The following ACSL5 variants were observed in gnomAD, a reference collection of about 807,000 sequenced individuals.
ACSL5 encodes the protein long-chain-fatty-acid--CoA ligase 5.
Under a neutral mutation model 84.9 loss-of-function variants are expected in ACSL5, and 50 were observed. That is an observed-to-expected ratio of 0.59 (90% CI 0.47 to 0.75). The LOEUF (loss-of-function observed/expected upper bound fraction) is 0.75, where lower values mean the gene tolerates loss of function less well. ACSL5 is among the 30% of genes least tolerant of loss of function. ACSL5 has a pLI of 0.00. For synonymous variants in ACSL5, 280 were observed against 300.7 expected (o/e 0.93, Z 0.71); for missense variants, 775 against 830.4 (o/e 0.93, Z 0.82).
Position 112,409,596 on chromosome 10 carries a change from G to C in ACSL5, c.622G>C (p.Val208Leu), listed in dbSNP as rs777394576. Residue 208 changes from valine (V) to leucine (L), a missense_variant, in exon 7 of 21, where the codon GTG (valine) becomes CTG (leucine). Coordinates refer to ENST00000354655, the MANE Select transcript of ACSL5 (RefSeq NM_203379.2). ...VEKGFTPSLKVIILMDPFDDD... is the reference protein window; with the variant it reads ...VEKGFTPSLKLIILMDPFDDD... ...GAAAGGCTTCACCCCGAGCCTGAAG[G>C]TGATCATCCTTATGGACCCCTTTGA... The C allele has an allele frequency of 6.2e-7, 1 of 1,614,160 alleles. No individual in the cohort carries two copies. Among genetic ancestry groups the C allele is most frequent in the East Asian group, 2.2e-5 (1 of 44,878 alleles).
intron 1 of ACSL5, among the ~76,000 whole-genome samples, chr10:112,387,936 C>CCT (rs372049873): frequency 1.7e-5 from 2 of 118,448 alleles, no homozygotes; most frequent in Admixed American, 1.0e-4. Context: ...TTATTTGTTC[C>CCT]TTTTTTTTTT....
intron 12 of ACSL5, among the ~76,000 whole-genome samples, chr10:112,415,366 AT>A (rs1190748910): frequency 1.3e-5 from 2 of 151,988 alleles, no homozygotes; most frequent in African/African-American, 4.8e-5. Context: ...CGACCGGCTA[AT>A]TTTTTGTATT....
chr10:112,403,340 T>C (rs1331487827), intron 3 of ACSL5, among the ~76,000 whole-genome samples: 1 of 152,210 alleles, frequency 6.6e-6, no homozygotes, highest in Non-Finnish European at 1.5e-5. Flanking sequence ...CAGGCTGGAG[T>C]GCAATGGCAC....
intron 13 of ACSL5, 109 bp downstream of exon 13, chr10:112,417,131 C>T: frequency 7.9e-7 from 1 of 1,268,284 alleles, no homozygotes; most frequent in South Asian, 1.6e-5. Flanking sequence ...ACTAGAGATC[C>T]TTTCAGACTT....
chr10:112,376,791 T>G (rs1054512147), intron 1 of ACSL5, among the ~76,000 whole-genome samples: 1 of 151,856 alleles, frequency 6.6e-6, no homozygotes, highest in Non-Finnish European at 1.5e-5. Context: ...GCCCTCAATT[T>G]TATGTTGGGT....
rs1589708517 is a variant in ACSL5, at chr10:112,427,413, A to G, written c.*55A>G. 4 of 1,471,022 alleles carry G rather than the reference A, an allele frequency of 2.7e-6. No individual in the cohort carries two copies. The highest frequency in any genetic ancestry group is 2.8e-5 in the South Asian group (2 of 71,340). 91.1% of individuals were successfully genotyped at this position (1,471,022 alleles called of 1,614,324 possible). On this transcript the variant is annotated 3_prime_UTR_variant, in exon 21 of 21. Coordinates refer to ENST00000354655, the MANE Select transcript of ACSL5 (RefSeq NM_203379.2). ...CTGTGCACTGCTTGTGAGAAAATGGATTAAAAACTATTCTTACATTTGTTT... is the reference window on the plus strand; with the variant it reads ...CTGTGCACTGCTTGTGAGAAAATGGGTTAAAAACTATTCTTACATTTGTTT...
chr10:112,393,421 T>C (rs772490883), intron 1 of ACSL5, among the ~76,000 whole-genome samples: 8 of 152,160 alleles, frequency 5.3e-5, no homozygotes, highest in Non-Finnish European at 7.3e-5. Context: ...ATAGTAAGAG[T>C]GGCCCAGGGT....
chr10:112,381,788 G>A (rs1849356244), intron 1 of ACSL5, among the ~76,000 whole-genome samples: 1 of 151,924 alleles, frequency 6.6e-6, no homozygotes, highest in Non-Finnish European at 1.5e-5. Context: ...CCAATATGGT[G>A]AAACCTAGTC....
At chr10:112,422,276 G>T (rs759210176) in intron 16 of ACSL5, 49 bp from the exon 17 acceptor site, 1 of 1,519,222 alleles carries the variant, frequency 6.6e-7, no homozygotes, top group Admixed American at 1.7e-5. Context: ...GCCCACGCTG[G>T]GAGGAGCAGC....
At chr10:112,411,750 T>A in intron 10 of ACSL5, 152 bp from the exon 11 acceptor site, 1 of 805,864 alleles carries the variant, frequency 1.2e-6, no homozygotes, top group East Asian at 2.6e-5. Context: ...TTCTACACTA[T>A]ATGCAGTTCA....
intron 1 of ACSL5, among the ~76,000 whole-genome samples, chr10:112,379,922 C>A (rs1267989777): frequency 1.3e-5 from 2 of 152,220 alleles, no homozygotes; most frequent in East Asian, 3.8e-4. Context: ...AAGAAGTCTG[C>A]TTTCCCAACC....
intron 17 of ACSL5, among the ~76,000 whole-genome samples, chr10:112,423,539 A>G (rs889450536): frequency 1.3e-5 from 2 of 151,824 alleles, no homozygotes; most frequent in Non-Finnish European, 2.9e-5. Context: ...ACTGTTACAG[A>G]AGACACCAAG....
chr10:112,390,324 C>T (rs1380452126), intron 1 of ACSL5, among the ~76,000 whole-genome samples: 4 of 152,114 alleles, frequency 2.6e-5, no homozygotes, highest in African/African-American at 9.7e-5. Flanking sequence ...ATCAAACCCA[C>T]AATGAGGTAC....
Position 112,417,834 on chromosome 10 carries a change from T to C in ACSL5, c.1219-12T>C. ...AATAGGTTTTAGTATGTCTTTTGTT[T>C]CCACTGAACAGGACAGCCTGGGCGG... On this transcript the variant is annotated splice_polypyrimidine_tract_variant and intron_variant, in intron 13 of 20. Coordinates refer to ENST00000354655, the MANE Select transcript of ACSL5 (RefSeq NM_203379.2). The C allele has an allele frequency of 1.2e-6, 2 of 1,613,064 alleles. No homozygotes were observed. The highest frequency in any genetic ancestry group is 1.7e-6 in the Non-Finnish European group (2 of 1,179,020).
At chr10:112,375,954 C>T (rs1024641255) in intron 1 of ACSL5, among the ~76,000 whole-genome samples, 1 of 152,182 alleles carries the variant, frequency 6.6e-6, no homozygotes, top group Non-Finnish European at 1.5e-5. Flanking sequence ...AACAGCGTCA[C>T]CTCTGCCTCT....
chr10:112,417,777 C>A, intron 13 of ACSL5, 69 bp from the exon 14 acceptor site: 1 of 1,238,492 alleles, frequency 8.1e-7, no homozygotes, highest in South Asian at 1.2e-5. Flanking sequence ...CTATTATACC[C>A]ACTCTACAGT....
intron 5 of ACSL5, chr10:112,406,610 C>G (rs1844043335): frequency 6.6e-6 from 1 of 152,172 alleles, no homozygotes; most frequent in South Asian, 2.1e-4. Context: ...AATGTGTATC[C>G]ACACAATGAT....
intron 5 of ACSL5, chr10:112,406,327 T>A (rs1482122622): frequency 6.6e-6 from 1 of 152,182 alleles, no homozygotes; most frequent in African/African-American, 2.4e-5. Context: ...TCTGTGCACA[T>A]GTATCCCTCA....
chr10:112,399,459 A>T (rs1843824444), intron 3 of ACSL5, among the ~76,000 whole-genome samples: 1 of 152,204 alleles, frequency 6.6e-6, no homozygotes, highest in African/African-American at 2.4e-5. Context: ...AGGATTCCTG[A>T]TGTCTTACCT....
Sources: allele counts gnomAD v4.1 joint callset (sites outside exome capture counted in the v4.1 genomes callset), GRCh38; gene constraint gnomAD v4.1.1; transcripts MANE v1.5; gene names NCBI Gene and HGNC (gene_info 2026-07-23, HGNC 2026-07-21).